HELZ2: variants seen among roughly 807,000 people sequenced by gnomAD.
The protein encoded by HELZ2 is 3'-5' exoribonuclease HELZ2.
Under a neutral mutation model 208.8 loss-of-function variants are expected in HELZ2, and 143 were observed. The ratio of observed to expected loss-of-function variants is 0.68; its 90% CI spans 0.60 to 0.79. HELZ2 has a LOEUF of 0.79. Among genes scored for constraint, HELZ2 ranks in the 30% least tolerant of loss-of-function variants. The pLI, the probability that HELZ2 is intolerant of heterozygous loss-of-function variation, is 0.00. For missense variants in HELZ2, 3,690 were observed against 3,794.5 expected, an observed-to-expected ratio of 0.97 and a Z score of 0.72; for synonymous variants, 1,705 against 1,693.7, an observed-to-expected ratio of 1.01 and a Z score of -0.16.
chr20:63,563,412 C>T, exon 8 of HELZ2: 1 of 1,534,790 alleles, frequency 6.5e-7, no homozygotes, highest in Non-Finnish European at 8.7e-7. Context: ...GGGCTGGATC[C>T]CTGCGCTGAG....
chr20:63,566,769 C>T (rs968594080), intron 6 of HELZ2, 75 bp downstream of exon 7: 10 of 1,376,576 alleles, frequency 7.3e-6, no homozygotes, highest in East Asian at 2.4e-5. Flanking sequence ...GGCGGGGGCT[C>T]GTCCATCAGC....
At chr20:63,560,140 C>T in intron 17 of HELZ2, 31 bp downstream of exon 18, 1 of 1,545,580 alleles carries the variant, frequency 6.5e-7, no homozygotes. Flanking sequence ...CGCCCACCCT[C>T]CCGGCCCCAC....
chr20:63,572,748 G>T, upstream of HELZ2: 1 of 249,496 alleles, frequency 4.0e-6, no homozygotes, highest in Non-Finnish European at 7.7e-6. Flanking sequence ...AGGCGCTGGA[G>T]GTTGTGCTGA....
At position 63,563,517 on chromosome 20, in the gene HELZ2, AG is replaced by A. The variant is rs766668390; in HGVS notation, c.5304del (p.Cys1769AlafsTer201). On this transcript the variant is annotated frameshift_variant, in exon 8 of 19. Coordinates refer to ENST00000467148, the Ensembl canonical transcript of HELZ2. LOFTEE classifies it high-confidence loss of function. ...TGCAGGGAGCCGTAGGGGACGGGGC[AG>A]GGGTCAGGCAGCGTCTCCCGGTTGC... is the stretch of plus-strand genomic sequence containing the variant. The A allele has an allele frequency of 6.6e-7, 1 of 1,514,084 alleles. No homozygotes were observed. Among genetic ancestry groups the A allele is most frequent in the African/African-American group, 1.4e-5 (1 of 72,940 alleles). The allele number at this position is 1,514,084 out of a possible 1,614,324, so 93.8% of individuals were successfully genotyped here. A position where few individuals can be genotyped will look rare whatever the true frequency, so the allele number is the denominator to read the frequency against.
exon 6 of HELZ2, chr20:63,567,447 C>G (rs2082974891): frequency 6.4e-7 from 1 of 1,560,258 alleles, no homozygotes; most frequent in Non-Finnish European, 8.7e-7. Context: ...GCCGCGCCAG[C>G]TCTGCCCGTG....
chr20:63,570,966 G>A (rs1056111167), intron 1 of HELZ2, 98 bp from the exon 3 acceptor site: 7 of 945,782 alleles, frequency 7.4e-6, no homozygotes, highest in African/African-American at 1.7e-5. Context: ...CCTCTGTAGG[G>A]AGCAGGGGCT....
Position 63,565,860 on chromosome 20 carries a change from G to A in HELZ2, c.2962C>T (p.Gln988Ter), listed in dbSNP as rs551964861. The A allele has an allele frequency of 8.1e-6, 13 of 1,597,918 alleles. No homozygotes were observed. The highest frequency in any genetic ancestry group is 1.1e-5 in the South Asian group (1 of 90,864). ...ACCATGGCCGTCACCACAGCCGCCT[G>A]CTCCTCGGCCAGGTCCCCTACTGGC... The change falls in exon 8 of 19, where the codon CAG (glutamine) becomes TAG (stop). Residue 988 changes from glutamine (Q) to a stop codon, truncating the protein, a stop_gained. Coordinates refer to ENST00000467148, the Ensembl canonical transcript of HELZ2. LOFTEE classifies it high-confidence loss of function.
chr20:63,559,278 G>A lies in HELZ2; in HGVS notation c.7918C>T (p.Arg2640Cys), dbSNP rs77136158. Residue 2640 changes from arginine to cysteine, a missense_variant, in exon 19 of 19, where the codon CGC (arginine) becomes TGC (cysteine). Physicochemically the swap from Arg to Cys is radical, Grantham distance 180. Transcript: ENST00000467148. ...GGCATAGTTGGCCTCCTGCAGACGC[G>A]CACCTGGCCGGCAGGCACGAGGGTC... 8,241 of 1,586,064 alleles carry A rather than the reference G, an allele frequency of 5.2e-3. 37 individuals are homozygous for A. The highest frequency in any genetic ancestry group is 6.0e-3 in the Non-Finnish European group (6,995 of 1,166,228).
exon 8 of HELZ2, chr20:63,565,887 C>T: frequency 6.3e-7 from 1 of 1,597,334 alleles, no homozygotes. Context: ...CCTACTGGCT[C>T]TGGGGCAGCC....
upstream of HELZ2, chr20:63,572,533 G>A (rs1282635515): frequency 2.0e-5 from 17 of 836,474 alleles, no homozygotes; most frequent in East Asian, 4.2e-4. Flanking sequence ...GGCCCTCGGC[G>A]CTCACGTGGG....
chr20:63,564,808 G>A (rs1198923788), exon 8 of HELZ2: 11 of 1,610,000 alleles, frequency 6.8e-6, no homozygotes, highest in South Asian at 3.3e-5. Context: ...TCAAGAAGGC[G>A]CGGCAGTCCT....
Position 63,569,672 on chromosome 20 carries a change from AG to A in HELZ2, c.571-8del. On this transcript the variant is annotated splice_region_variant and splice_polypyrimidine_tract_variant and intron_variant, in intron 3 of 18. Coordinates refer to ENST00000467148, the Ensembl canonical transcript of HELZ2. The stretch of plus-strand genomic sequence containing the variant: ...CCACGTGTAGCAGGGGCTCCTGGAG[AG>A]GAGGCCAGACGGTGAGGGGGGCCCA... 5 of 1,515,596 alleles carry A rather than the reference AG, an allele frequency of 3.3e-6. No individual in the cohort carries two copies. The highest frequency in any genetic ancestry group is 4.4e-6 in the Non-Finnish European group (5 of 1,130,826). The allele number at this position is 1,515,596 out of a possible 1,614,324, so 93.9% of individuals were successfully genotyped here.
At chr20:63,569,184 T>C (rs748443659) in exon 4 of HELZ2, 11 of 1,549,448 alleles carry the variant, frequency 7.1e-6, no homozygotes, top group Non-Finnish European at 8.7e-6. Flanking sequence ...CTCCTCCTCA[T>C]AGAGAAACTG....
Position 63,567,642 on chromosome 20 carries a change from G to T in HELZ2, c.1731-15C>A. On this transcript the variant is annotated splice_polypyrimidine_tract_variant and intron_variant, in intron 5 of 18. Transcript: ENST00000467148. ...TGTCGGCGGCACTGCGGGAGGGGGA[G>T]GAGCTCATGGGCTTCTTGCTGGGGG... 6.3e-7 allele frequency: 1 copy of T among 1,593,828 alleles called. No individual in the cohort carries two copies.
intron 1 of HELZ2, 145 bp downstream of exon 2, chr20:63,571,963 G>C: frequency 1.2e-6 from 1 of 839,708 alleles, no homozygotes; most frequent in Non-Finnish European, 1.8e-6. Flanking sequence ...TGCCTACGGT[G>C]GGCTCCTGCC....
exon 2 of HELZ2, chr20:63,570,824 G>A: frequency 1.2e-6 from 2 of 1,609,022 alleles, no homozygotes; most frequent in Middle Eastern, 1.7e-4. Context: ...CTCCTGTGCT[G>A]AGTGTGCCTT....
exon 6 of HELZ2, chr20:63,567,198 G>C (rs781290017): frequency 6.2e-7 from 1 of 1,608,094 alleles, no homozygotes; most frequent in Non-Finnish European, 8.5e-7. Context: ...AGCACAGGAA[G>C]AGGCGGTGCA....
chr20:63,571,969 C>T (rs1349366225), intron 1 of HELZ2, 139 bp downstream of exon 2: 5 of 955,406 alleles, frequency 5.2e-6, no homozygotes, highest in Non-Finnish European at 7.6e-6. Context: ...CGGTGGGCTC[C>T]TGCCCTACTC....
At chr20:63,568,865 C>A (rs1482950556) in exon 5 of HELZ2, 1 of 1,612,206 alleles carries the variant, frequency 6.2e-7, no homozygotes, top group Non-Finnish European at 8.5e-7. Flanking sequence ...CAGCAGGAAG[C>A]CCTGGTCTGT....
Sources: gnomAD v4.1 joint callset for allele counts on GRCh38, gnomAD v4.1.1 for gene constraint, MANE v1.5 for transcripts, NCBI Gene and HGNC (gene_info 2026-07-23, HGNC 2026-07-21) for gene names.